Variants in METTL21A observed in about 807,000 individuals in gnomAD.
METTL21A encodes the protein protein N-lysine methyltransferase METTL21A.
METTL21A carries 22 observed loss-of-function variants against 20.9 expected under a neutral mutation model. The observed-to-expected ratio is 1.05, with a 90% CI of 0.75 to 1.50. The LOEUF (loss-of-function observed/expected upper bound fraction) is 1.50. Ranked by LOEUF, METTL21A falls within the 40% of genes most tolerant of loss-of-function variation. The pLI is 0.00. For synonymous variants in METTL21A, 93 were observed against 102.0 expected, an observed-to-expected ratio of 0.91 and a Z score of 0.53; for missense variants, 271 against 266.8, an observed-to-expected ratio of 1.02 and a Z score of -0.11.
chr2:207,585,593 C>T (rs1255184648), intron 3 of METTL21A, among the ~76,000 whole-genome samples: 3 of 152,036 alleles, frequency 2.0e-5, no homozygotes, highest in Non-Finnish European at 2.9e-5. Context: ...ACCAGGTAAT[C>T]AATAAAATGC....
intron 2 of METTL21A, among the ~76,000 whole-genome samples, chr2:207,622,171 T>A (rs2090570593): frequency 6.7e-6 from 1 of 149,408 alleles, no homozygotes; most frequent in South Asian, 2.2e-4. Context: ...ATTTTTTTTT[T>A]TTTTTTTTTT....
chr2:207,603,749 T>C (rs1297645632), intron 3 of METTL21A, among the ~76,000 whole-genome samples: 2 of 152,142 alleles, frequency 1.3e-5, no homozygotes, highest in African/African-American at 4.8e-5. Flanking sequence ...ACAATAAGAC[T>C]ATATACCTTC....
downstream of METTL21A, among the ~76,000 whole-genome samples, chr2:207,605,922 C>CTG (rs1559102681): frequency 6.6e-6 from 1 of 152,160 alleles, no homozygotes; most frequent in Non-Finnish European, 1.5e-5. Context: ...ATGTTGATTA[C>CTG]TATTTTTATG....
At chr2:207,613,258 C>T (rs745324817) in exon 4 of METTL21A, 15 of 1,613,300 alleles carry the variant, frequency 9.3e-6, no homozygotes, top group Non-Finnish European at 1.3e-5. Context: ...AATGTTTCTT[C>T]TAAATATATG....
At chr2:207,602,797 A>C (rs1187960727) in intron 3 of METTL21A, 1 of 216,570 alleles carries the variant, frequency 4.6e-6, no homozygotes, top group Non-Finnish European at 9.3e-6. Flanking sequence ...TTGAGTATAG[A>C]TTTATTAGGG....
At chr2:207,581,771 A>G in exon 4 of METTL21A, 2 of 682,596 alleles carry the variant, frequency 2.9e-6, no homozygotes, top group Admixed American at 4.4e-5. Flanking sequence ...TATACATTTT[A>G]TTTCCCCAGT....
At chr2:207,622,102 A>G (rs2090558759) in intron 2 of METTL21A, among the ~76,000 whole-genome samples, 185 bp from the exon 3 acceptor site, 2 of 152,036 alleles carry the variant, frequency 1.3e-5, no homozygotes, top group South Asian at 4.1e-4. Flanking sequence ...AGGGTCCCAC[A>G]GCAGTGCCCA....
chr2:207,582,065 T>C (rs1400292921), exon 4 of METTL21A: 2 of 700,482 alleles, frequency 2.9e-6, no homozygotes, highest in African/African-American at 3.5e-5. Context: ...CTTTGATCAC[T>C]TGGTTAAAGT....
At chr2:207,621,368 G>A (rs1020163901) in intron 3 of METTL21A, among the ~76,000 whole-genome samples, 1 of 152,158 alleles carries the variant, frequency 6.6e-6, no homozygotes, top group Non-Finnish European at 1.5e-5. Flanking sequence ...AACCAGCAAA[G>A]TTTCCTCAGC....
chr2:207,587,129 C>A (rs1030416862), intron 3 of METTL21A, among the ~76,000 whole-genome samples: 1 of 152,132 alleles, frequency 6.6e-6, no homozygotes, highest in Non-Finnish European at 1.5e-5. Flanking sequence ...CGTGGTGGCT[C>A]ACGCCTGTAA....
chr2:207,614,362 C>T (rs1239538070), intron 3 of METTL21A, among the ~76,000 whole-genome samples: 1 of 139,908 alleles, frequency 7.1e-6, no homozygotes, highest in Non-Finnish European at 1.5e-5. Flanking sequence ...GCCTGGGCAA[C>T]AGAGCAACAC....
intron 3 of METTL21A, among the ~76,000 whole-genome samples, chr2:207,585,336 C>T (rs965846597): frequency 6.6e-6 from 1 of 152,138 alleles, no homozygotes; most frequent in African/African-American, 2.4e-5. Flanking sequence ...CCATTGATGA[C>T]AGTAAAAGAA....
intron 3 of METTL21A, chr2:207,596,898 C>T (rs2086287119): frequency 2.0e-6 from 3 of 1,505,348 alleles, no homozygotes; most frequent in Admixed American, 2.0e-5. Flanking sequence ...TTTTTCCCGT[C>T]CTCTTTTGCT....
intron 3 of METTL21A, among the ~76,000 whole-genome samples, chr2:207,615,912 G>GTT (rs779297058): frequency 6.8e-6 from 1 of 147,576 alleles, no homozygotes; most frequent in Non-Finnish European, 1.5e-5. Context: ...TTCTATGATT[G>GTT]TTTTTTTTTT....
intron 3 of METTL21A, among the ~76,000 whole-genome samples, chr2:207,594,251 C>T (rs1455853738): frequency 2.0e-5 from 3 of 151,750 alleles, no homozygotes; most frequent in Non-Finnish European, 4.4e-5. Flanking sequence ...ACAAAATTGA[C>T]CATCTTAATG....
exon 2 of METTL21A, chr2:207,624,238 A>C: frequency 6.2e-7 from 1 of 1,605,462 alleles, no homozygotes; most frequent in African/African-American, 1.3e-5. Context: ...CCGCATCCCA[A>C]ACCACCGCTG....
intron 3 of METTL21A, chr2:207,620,620 C>T (rs1034336992): frequency 1.2e-5 from 18 of 1,498,408 alleles, no homozygotes; most frequent in East Asian, 2.5e-5. Flanking sequence ...CTAACATACA[C>T]GGGAATGTTC....
At chr2:207,588,889 C>T (rs2084418980) in intron 3 of METTL21A, among the ~76,000 whole-genome samples, 3 of 142,298 alleles carry the variant, frequency 2.1e-5, no homozygotes, top group South Asian at 2.2e-4. Flanking sequence ...GGAGCTTTGT[C>T]GGGGGGGGTG....
downstream of METTL21A, among the ~76,000 whole-genome samples, chr2:207,606,779 A>G (rs553858910): frequency 9.2e-5 from 14 of 152,272 alleles, no homozygotes; most frequent in South Asian, 2.9e-3. Context: ...GGGGTACATT[A>G]TATAGTGATT....
Sources: allele counts gnomAD v4.1 joint callset (sites outside exome capture counted in the v4.1 genomes callset), GRCh38; gene constraint gnomAD v4.1.1; transcripts MANE v1.5; gene names NCBI Gene and HGNC (gene_info 2026-07-23, HGNC 2026-07-21).